Variants in GBP5 observed in about 807,000 individuals in gnomAD.
The protein encoded by GBP5 is guanylate-binding protein 5.
Under a neutral mutation model 58.2 loss-of-function variants are expected in GBP5, and 48 were observed. That is an observed-to-expected ratio of 0.83 (90% CI 0.65 to 1.05). GBP5 has a LOEUF of 1.05. GBP5 is among the 50% of genes least tolerant of loss of function. The pLI, the probability that GBP5 is intolerant of heterozygous loss-of-function variation, is 0.00. For synonymous variants in GBP5, 248 were observed against 251.8 expected, an observed-to-expected ratio of 0.98 and a Z score of 0.14; for missense variants, 714 against 686.8, an observed-to-expected ratio of 1.04 and a Z score of -0.44.
chr1:89,272,528 G>A lies in GBP5; in HGVS notation c.-204C>T. On this transcript the variant is annotated 5_prime_UTR_variant, in exon 1 of 12. Transcript: ENST00000370459. ...GCGGACCCTAGCGTTGAGTGTCACG[G>A]TTCTTAAAGGTGGCGTGTCAGGAGT... is the stretch of plus-strand genomic sequence containing the variant. The A allele has an allele frequency of 6.1e-6, 1 of 163,430 alleles. No individual in the cohort carries two copies. Among genetic ancestry groups the A allele is most frequent in the Non-Finnish European group, 1.3e-5 (1 of 77,060 alleles). 10.1% of individuals were successfully genotyped at this position (163,430 alleles called of 1,614,324 possible).
At position 89,260,876 on chromosome 1, in the gene GBP5, A is replaced by C. The variant is rs1310864235; in HGVS notation, c.1648-59T>G. On this transcript the variant is annotated intron_variant, in intron 11 of 11. Transcript: ENST00000370459. The stretch of plus-strand genomic sequence containing the variant: ...TTCTTACTGATTGCCTAAATCACTC[A>C]CTTGTCCTTACTTCTTTTCATCTAC... The C allele has an allele frequency of 5.2e-6, 6 of 1,151,988 alleles. No homozygotes were observed. The African/African-American group carries it at 9.1e-5, about 18-fold the overall frequency. The allele number at this position is 1,151,988 out of a possible 1,614,324, so 71.4% of individuals were successfully genotyped here. A position where few individuals can be genotyped will look rare whatever the true frequency, so the allele number is the denominator to read the frequency against.
chr1:89,260,315 T>A lies in GBP5; in HGVS notation c.*389A>T, dbSNP rs542777749. On this transcript the variant is annotated 3_prime_UTR_variant, in exon 12 of 12. Transcript: ENST00000370459. ...GGCCGGGTTCCTAAGAGGCCACAGATCAGAGCTAGTCTATGGCCTGAGGGT... is the reference window on the plus strand; with the variant it reads ...GGCCGGGTTCCTAAGAGGCCACAGAACAGAGCTAGTCTATGGCCTGAGGGT... 6.1e-6 allele frequency: 1 copy of A among 163,640 alleles called. No homozygotes were observed. The highest frequency in any genetic ancestry group is 1.5e-4 in the South Asian group (1 of 6,480). The allele number at this position is 163,640 out of a possible 1,614,324, so 10.1% of individuals were successfully genotyped here.
At chr1:89,263,453 G>C (rs745867265) in intron 9 of GBP5, 3 of 316,596 alleles carry the variant, frequency 9.5e-6, no homozygotes, top group Non-Finnish European at 1.8e-5. Flanking sequence ...AACCAAAAAG[G>C]CCTCTTTGTT....
intron 8 of GBP5, 54 bp downstream of exon 8, chr1:89,264,632 C>T (rs1409034624): frequency 6.7e-6 from 10 of 1,502,468 alleles, no homozygotes; most frequent in Non-Finnish European, 1.8e-6. Context: ...TCATTCAAAG[C>T]AATACTTTGC....
At chr1:89,269,826 C>T (rs762984608) in intron 2 of GBP5, 10 of 246,508 alleles carry the variant, frequency 4.1e-5, no homozygotes, top group African/African-American at 8.9e-5. Flanking sequence ...GATAGGCATA[C>T]GAAAATCCAT....
At position 89,260,655 on chromosome 1, in the gene GBP5, T is replaced by C. The variant is rs746643113; in HGVS notation, c.*49A>G. On this transcript the variant is annotated 3_prime_UTR_variant, in exon 12 of 12. Transcript: ENST00000370459. ...AAGGTCTACAGTTTCTTTTCTGTTG[T>C]GTCATCAGTGACAAAGAGTAAAAAA... is the stretch of plus-strand genomic sequence containing the variant. 9.3e-7 allele frequency: 1 copy of C among 1,077,700 alleles called. No homozygotes were observed. The highest frequency in any genetic ancestry group is 1.3e-5 in the South Asian group (1 of 76,872). 66.8% of individuals were successfully genotyped at this position (1,077,700 alleles called of 1,614,324 possible).
intron 7 of GBP5, 115 bp from the exon 8 acceptor site, chr1:89,265,081 A>G: frequency 9.8e-7 from 1 of 1,018,368 alleles, no homozygotes; most frequent in Non-Finnish European, 1.4e-6. Flanking sequence ...GTTTAGCATT[A>G]TGGACAGTAG....
chr1:89,263,884 C>A lies in GBP5; in HGVS notation c.1214G>T (p.Cys405Phe). 6.2e-7 allele frequency: 1 copy of A among 1,602,390 alleles called. No individual in the cohort carries two copies. The highest frequency in any genetic ancestry group is 8.5e-7 in the Non-Finnish European group (1 of 1,173,670). ...KRNLEASSDYCSALLKDIFGP... is the reference protein window; with the variant it reads ...KRNLEASSDYFSALLKDIFGP... ...AAAAATATCCTTAAGTAAAGCCGAG[C>A]AATAATCCGAGGATGCTTCCAGGTT... Residue 405 changes from cysteine (C) to phenylalanine (F), a missense_variant, in exon 9 of 12, where the codon TGC (cysteine) becomes TTC (phenylalanine). Transcript: ENST00000370459.
At position 89,266,396 on chromosome 1, in the gene GBP5, CTAA is replaced by C; in HGVS notation, c.815_817del (p.Phe272_Ser273delinsCys). The C allele has an allele frequency of 1.2e-6, 2 of 1,613,656 alleles. No individual in the cohort carries two copies. On this transcript the variant is annotated inframe_deletion, in exon 7 of 12. Transcript: ENST00000370459. ...TGGAAGAGTCTTGGTCATAGAATGGCTAAAGATGTAGGAACAGAATTCTGTCAC... is the reference window on the plus strand; with the variant it reads ...TGGAAGAGTCTTGGTCATAGAATGGCAGATGTAGGAACAGAATTCTGTCAC...
Position 89,260,786 on chromosome 1 carries a change from T to C in GBP5, c.1679A>G (p.Gln560Arg), listed in dbSNP as rs758942395. ...EQAAQLSTTFQAQNRSLLSEL... is the reference protein window; with the variant it reads ...EQAAQLSTTFRAQNRSLLSEL... ...ACTGAGAAGGCTTCTATTTTGAGCT[T>C]GGAATGTTGTGCTGAGCTGTGCAGC... Residue 560 changes from glutamine (Q) to arginine (R), a missense_variant, in exon 12 of 12, where the codon CAA (glutamine) becomes CGA (arginine). Physicochemically the swap from Gln to Arg is conservative, Grantham distance 43. Coordinates refer to ENST00000370459, the MANE Select transcript of GBP5 (RefSeq NM_052942.5). 19 of 1,614,030 alleles carry C rather than the reference T, an allele frequency of 1.2e-5. No individual in the cohort carries two copies. The highest frequency in any genetic ancestry group is 1.5e-5 in the Non-Finnish European group (18 of 1,179,912).
chr1:89,262,665 T>C lies in GBP5; in HGVS notation c.1465+18A>G, dbSNP rs919933220. On this transcript the variant is annotated intron_variant, in intron 10 of 11. Coordinates refer to ENST00000370459, the MANE Select transcript of GBP5 (RefSeq NM_052942.5). ...ATAGATTTCTTTCTATCTTGCATAA[T>C]TTCCACTTTCTTCTCACCTTTCTTC... 3.3e-6 allele frequency: 5 copies of C among 1,519,878 alleles called. No homozygotes were observed. Among genetic ancestry groups the C allele is most frequent in the Middle Eastern group, 1.7e-4 (1 of 5,916 alleles). The allele number at this position is 1,519,878 out of a possible 1,614,324, so 94.1% of individuals were successfully genotyped here. A position where few individuals can be genotyped will look rare whatever the true frequency, so the allele number is the denominator to read the frequency against.
chr1:89,266,007 G>C (rs1650199359), intron 7 of GBP5, among the ~76,000 whole-genome samples: 1 of 152,124 alleles, frequency 6.6e-6, no homozygotes, highest in South Asian at 2.1e-4. Flanking sequence ...TATATGTCTT[G>C]TTCATCTTGT....
Position 89,260,811 on chromosome 1 carries a change from C to T in GBP5, c.1654G>A (p.Ala552Thr). The T allele has an allele frequency of 6.2e-7, 1 of 1,612,852 alleles. No individual in the cohort carries two copies. Among genetic ancestry groups the T allele is most frequent in the Non-Finnish European group, 8.5e-7 (1 of 1,178,876 alleles). ...TGGAATGTTGTGCTGAGCTGTGCAG[C>T]CTGTTCCTAAAGAGTGATAAATAGA... is the stretch of plus-strand genomic sequence containing the variant. ...KMQEQQMQEQAAQLSTTFQAQ... is the reference protein window; with the variant it reads ...KMQEQQMQEQTAQLSTTFQAQ... The change falls in exon 12 of 12, where the codon GCT (alanine) becomes ACT (threonine). Residue 552 changes from alanine to threonine, a missense_variant. Ala to Thr is a moderately conservative substitution (Grantham distance 58, BLOSUM62 0). Transcript: ENST00000370459.
At chr1:89,268,969 C>G (rs1176749730) in intron 3 of GBP5, 113 bp from the exon 4 acceptor site, 1 of 1,045,150 alleles carries the variant, frequency 9.6e-7, no homozygotes, top group African/African-American at 1.6e-5. Context: ...GCAGAATGTA[C>G]AACCAGTATT....
intron 4 of GBP5, 147 bp from the exon 5 acceptor site, chr1:89,267,673 T>C (rs1650281645): frequency 1.6e-6 from 1 of 617,450 alleles, no homozygotes. Flanking sequence ...TTGTTAACAT[T>C]GATAATTTTA....
chr1:89,269,412 G>A lies in GBP5; in HGVS notation c.144C>T (p.Arg48=), dbSNP rs147825788. The A allele has an allele frequency of 1.8e-4, 290 of 1,614,102 alleles. No homozygotes were observed. Among genetic ancestry groups the A allele is most frequent in the Middle Eastern group, 5.0e-4 (3 of 6,058 alleles). ...VVVVAIVGLY[R]TGKSYLMNKL... ...TGTTCATCAGGTAGGATTTGCCAGT[G>A]CGATAGAGGCCCACAATCGCTACCA... The change falls in exon 3 of 12, where the codon CGC becomes CGT. Residue 48 remains arginine, a synonymous_variant. Transcript: ENST00000370459.
At position 89,263,082 on chromosome 1, in the gene GBP5, A is replaced by G. The variant is rs146592415; in HGVS notation, c.1363-297T>C. On this transcript the variant is annotated intron_variant, in intron 9 of 11. Transcript: ENST00000370459. ...TGCAAAGGACTTGTTCACAGGGAGA[A>G]AAATACTGCAAAGAGTATGAAAATT... The G allele has an allele frequency of 4.8e-5, 11 of 229,030 alleles. No homozygotes were observed. The East Asian group carries it at 8.9e-4, about 19-fold the overall frequency. The allele number at this position is 229,030 out of a possible 1,614,324, so 14.2% of individuals were successfully genotyped here.
At position 89,257,703 on chromosome 1, in the gene GBP5, T is replaced by C. The variant is rs145776691; in HGVS notation, c.*3001A>G. ...ACAGTGACCATAATAAAGTGATCCATAATAAATTCCAAATATCTCTTAGCT... is the reference window on the plus strand; with the variant it reads ...ACAGTGACCATAATAAAGTGATCCACAATAAATTCCAAATATCTCTTAGCT... On this transcript the variant is annotated 3_prime_UTR_variant, in exon 12 of 12. Coordinates refer to ENST00000370459, the MANE Select transcript of GBP5 (RefSeq NM_052942.5). 2.8e-3 allele frequency among the ~76,000 whole-genome samples: 434 copies of C among 152,352 alleles called. 2 individuals carry two copies. Among genetic ancestry groups the C allele is most frequent in the African/African-American group, 9.8e-3 (409 of 41,588 alleles).
chr1:89,268,131 G>T (rs1255278284), intron 4 of GBP5, among the ~76,000 whole-genome samples: 1 of 152,218 alleles, frequency 6.6e-6, no homozygotes, highest in East Asian at 1.9e-4. Context: ...TGAGTTTAGT[G>T]AATTAACTTT....
Sources: gnomAD v4.1 joint callset for allele counts (sites outside exome capture counted in the v4.1 genomes callset) on GRCh38, gnomAD v4.1.1 for gene constraint, MANE v1.5 for transcripts, NCBI Gene and HGNC (gene_info 2026-07-23, HGNC 2026-07-21) for gene names.